CACNA1B: variants seen among roughly 807,000 people sequenced by gnomAD.
CACNA1B encodes the protein voltage-dependent N-type calcium channel subunit alpha-1B.
In CACNA1B, 70 loss-of-function variants were observed where a neutral mutation model predicts 247.2. The observed-to-expected ratio is 0.28, with a 90% CI of 0.23 to 0.35. CACNA1B has a LOEUF of 0.35. CACNA1B is among the 10% of genes least tolerant of loss of function. CACNA1B has a pLI of 1.00. For synonymous variants in CACNA1B, 1,231 were observed against 1,294.4 expected (o/e 0.95, Z 1.05); for missense variants, 2,367 against 3,197.4 (o/e 0.74, Z 6.26).
rs139525655 is a variant in CACNA1B at position 137,897,711 on chromosome 9, C to CTT, written c.530+14828_530+14829insTT. ...TATTTTGTGTTTTTATCATTTTAAT[C>CTT]ATTATTATTATTATTATTATATTTT... On this transcript the variant is annotated intron_variant, in intron 3 of 46. Transcript: ENST00000371372. Among the ~76,000 whole-genome samples, 431 of 151,516 alleles carry CTT rather than the reference C, an allele frequency of 2.8e-3. 2 individuals carry two copies. The highest frequency in any genetic ancestry group is 0.016 in the South Asian group (76 of 4,804).
intron 20 of CACNA1B, among the ~76,000 whole-genome samples, chr9:138,029,289 C>T (rs879101668): frequency 3.9e-5 from 6 of 152,148 alleles, no homozygotes; most frequent in Admixed American, 3.9e-4. Flanking sequence ...AAGGGTAGCT[C>T]ATGTAGTATA....
At chr9:138,063,264 A>G (rs542349875) in intron 31 of CACNA1B, among the ~76,000 whole-genome samples, 1 of 152,342 alleles carries the variant, frequency 6.6e-6, no homozygotes, top group South Asian at 2.1e-4. Flanking sequence ...AGGCCAAGGT[A>G]GAAAGATCAC....
intron 1 of CACNA1B, among the ~76,000 whole-genome samples, 175 bp downstream of exon 1, chr9:137,878,392 G>A (rs936296573): frequency 1.1e-4 from 16 of 151,954 alleles, no homozygotes; most frequent in Non-Finnish European, 2.4e-4. Context: ...GAGCATTTCC[G>A]TGAGTGCGGC....
In CACNA1B at chr9:137,899,911, A is replaced by G. The variant is rs1246076510; in HGVS notation, c.531-13269A>G. On this transcript the variant is annotated intron_variant, in intron 3 of 46. Transcript: ENST00000371372. This position sits in a 1 kb window ranked among gnomAD's most constrained non-coding sequence, Gnocchi z 5.0. ...CCCTCTGAGGGGCTGGTCCAGGTTG[A>G]TGGGGCGTGGGTAGGGCTCTGTGCC... Among the ~76,000 whole-genome samples the G allele has an allele frequency of 6.6e-6, 1 of 151,972 alleles. No homozygotes were observed. Among genetic ancestry groups the G allele is most frequent in the Admixed American group, 6.5e-5 (1 of 15,272 alleles).
intron 6 of CACNA1B, among the ~76,000 whole-genome samples, chr9:137,932,574 C>A (rs2133306557): frequency 6.6e-6 from 1 of 152,344 alleles, no homozygotes; most frequent in East Asian, 1.9e-4. Flanking sequence ...TGGGAAGTAT[C>A]TTGAGTTGCC....
At chr9:137,936,393 T>G (rs1475647286) in intron 6 of CACNA1B, among the ~76,000 whole-genome samples, 1 of 152,222 alleles carries the variant, frequency 6.6e-6, no homozygotes, top group Non-Finnish European at 1.5e-5. Context: ...GCCCTTTGTC[T>G]GATGGGTAGA....
At chr9:138,017,013 G>A (rs1450528555) in intron 18 of CACNA1B, 6 of 438,158 alleles carry the variant, frequency 1.4e-5, no homozygotes, top group Admixed American at 4.8e-5. Context: ...ACGCGTCTGC[G>A]GCCTCCTGTC....
At chr9:137,885,285 C>T (rs551968160) in intron 3 of CACNA1B, among the ~76,000 whole-genome samples, 4 of 151,998 alleles carry the variant, frequency 2.6e-5, no homozygotes, top group African/African-American at 7.3e-5. Context: ...TTGCTGCTCT[C>T]GTGTGGGGCA....
chr9:138,092,054 G>A (rs1382839944), intron 36 of CACNA1B, among the ~76,000 whole-genome samples: 6 of 152,176 alleles, frequency 3.9e-5, no homozygotes, highest in Non-Finnish European at 7.3e-5. Flanking sequence ...GCTTCAAAGG[G>A]CAATAAAAGA....
chr9:137,935,291 C>T (rs1957653133), intron 6 of CACNA1B, among the ~76,000 whole-genome samples: 1 of 151,998 alleles, frequency 6.6e-6, no homozygotes, highest in African/African-American at 2.4e-5. Flanking sequence ...GTGTGATGTT[C>T]CCTGCCCTGT....
chr9:138,121,567 T>G lies in CACNA1B; in HGVS notation c.6588T>G (p.Thr2196=). Reference sequence around the variant, plus strand: ...GGCAGCTCCCCCAGACGCCCCTGACTCCCCGCCCCAGCATCACCTACAAGA... The same window carrying G: ...GGCAGCTCCCCCAGACGCCCCTGACGCCCCGCCCCAGCATCACCTACAAGA... ...GRRQLPQTPL[T]PRPSITYKTA... The change falls in exon 47 of 47, where the codon ACT becomes ACG. Residue 2196 remains threonine, a synonymous_variant. Transcript: ENST00000371372. The surrounding 1 kb of genome is among the most constrained non-coding windows in gnomAD (Gnocchi z 6.8). 1 of 1,608,534 alleles carries G rather than the reference T, an allele frequency of 6.2e-7. No homozygotes were observed. The highest frequency in any genetic ancestry group is 1.1e-5 in the South Asian group (1 of 90,630).
chr9:137,993,657 G>C (rs1958461859), intron 15 of CACNA1B, among the ~76,000 whole-genome samples: 2 of 152,166 alleles, frequency 1.3e-5, no homozygotes, highest in Admixed American at 1.3e-4. Context: ...GGGAGAATTA[G>C]ATACCCTGAA....
Position 137,891,852 on chromosome 9 carries a change from A to C in CACNA1B, c.530+8969A>C, listed in dbSNP as rs1333881611. On this transcript the variant is annotated intron_variant, in intron 3 of 46. Transcript: ENST00000371372. The surrounding 1 kb of genome is among the most constrained non-coding windows in gnomAD (Gnocchi z 4.3). ...ACGCTAACGCAGATTCATTCCTAGC[A>C]GGTCACATGGTAGCACCCCCCACCC... 2 of 358,644 alleles carry C rather than the reference A, an allele frequency of 5.6e-6. No homozygotes were observed. Among genetic ancestry groups the C allele is most frequent in the African/African-American group, 4.3e-5 (2 of 46,760 alleles). 22.2% of individuals were successfully genotyped at this position (358,644 alleles called of 1,614,324 possible).
intron 20 of CACNA1B, among the ~76,000 whole-genome samples, chr9:138,042,592 C>G (rs1206053130): frequency 6.6e-6 from 1 of 152,166 alleles, no homozygotes; most frequent in Non-Finnish European, 1.5e-5. Flanking sequence ...TGCCAGATTG[C>G]TTTCTCAGAT....
chr9:137,939,095 G>A (rs192864806), intron 6 of CACNA1B, among the ~76,000 whole-genome samples: 4 of 152,068 alleles, frequency 2.6e-5, no homozygotes, highest in Admixed American at 2.6e-4. Context: ...AGAGAGAAAT[G>A]AGATACACAG....
chr9:137,966,183 A>C (rs374238123), intron 10 of CACNA1B, among the ~76,000 whole-genome samples: 1 of 149,374 alleles, frequency 6.7e-6, no homozygotes, highest in African/African-American at 2.5e-5. Context: ...TATCATTTTA[A>C]GTGTTCTTGT....
At chr9:137,945,774 A>T (rs1957788701) in intron 6 of CACNA1B, among the ~76,000 whole-genome samples, 1 of 152,188 alleles carries the variant, frequency 6.6e-6, no homozygotes, top group Non-Finnish European at 1.5e-5. Flanking sequence ...ACTTACCCAG[A>T]TCATCTACGA....
intron 12 of CACNA1B, among the ~76,000 whole-genome samples, chr9:137,982,898 T>A (rs1325573310): frequency 1.3e-5 from 2 of 152,214 alleles, no homozygotes; most frequent in African/African-American, 4.8e-5. Flanking sequence ...ATTCTCTGAA[T>A]GGCGATCTGT....
At position 138,023,260 on chromosome 9, in the gene CACNA1B, G is replaced by A. The variant is rs1219393521; in HGVS notation, c.2517G>A (p.Ala839=). 6.6e-7 allele frequency: 1 copy of A among 1,515,078 alleles called. No homozygotes were observed. Among genetic ancestry groups the A allele is most frequent in the South Asian group, 1.2e-5 (1 of 81,520 alleles). 93.9% of individuals were successfully genotyped at this position (1,515,078 alleles called of 1,614,324 possible). A position where few individuals can be genotyped will look rare whatever the true frequency, so the allele number is the denominator to read the frequency against. The change falls in exon 19 of 47, where the codon GCG becomes GCA. Residue 839 remains alanine, a synonymous_variant. Transcript: ENST00000371372. ...GAGGCAAAGCCCGACCTGAGGCTGC[G>A]GAGGCCCCCGAGGGCGTCGACCCTC... ...PVGGKARPEA[A]EAPEGVDPPR... is the part of the protein sequence containing the mutation.
Sources: allele counts gnomAD v4.1 joint callset (sites outside exome capture counted in the v4.1 genomes callset), GRCh38; gene constraint gnomAD v4.1.1; non-coding constraint Gnocchi (gnomAD v3.1); transcripts MANE v1.5; gene names NCBI Gene and HGNC (gene_info 2026-07-23, HGNC 2026-07-21).